GRAMD4: variants seen among roughly 807,000 people sequenced by gnomAD.
The protein encoded by GRAMD4 is GRAM domain containing 4.
A neutral mutation model predicts 83.9 loss-of-function variants in GRAMD4; 25 were observed. The ratio of observed to expected loss-of-function variants is 0.30; its 90% CI spans 0.22 to 0.42. GRAMD4 has a LOEUF of 0.42. GRAMD4 is among the 10% of genes least tolerant of loss of function. The pLI is 1.00. For missense variants in GRAMD4, 593 were observed against 788.7 expected (o/e 0.75, Z 2.97); for synonymous variants, 336 against 320.9 (o/e 1.05, Z -0.50).
chr22:46,593,324 T>G (rs1317879455), intron 1 of GRAMD4, among the ~76,000 whole-genome samples: 1 of 152,088 alleles, frequency 6.6e-6, no homozygotes, highest in East Asian at 1.9e-4. Context: ...CGGCCCTTGT[T>G]GCAGGCGGTC....
chr22:46,598,110 T>C (rs1481066836), intron 1 of GRAMD4, among the ~76,000 whole-genome samples: 1 of 151,984 alleles, frequency 6.6e-6, no homozygotes, highest in Non-Finnish European at 1.5e-5. Flanking sequence ...GCTTCCGGAG[T>C]AGCTGGAATT....
chr22:46,578,208 A>G (rs2081064247), intron 1 of GRAMD4, among the ~76,000 whole-genome samples: 1 of 152,202 alleles, frequency 6.6e-6, no homozygotes, highest in South Asian at 2.1e-4. Context: ...TGTGTGGGTT[A>G]GGAAGAAAAT....
upstream of GRAMD4, among the ~76,000 whole-genome samples, chr22:46,617,433 G>GGTGTAGGTTCCCCCCATAC (rs2081518815): frequency 6.8e-6 from 1 of 146,466 alleles, no homozygotes; most frequent in African/African-American, 2.6e-5. Flanking sequence ...GGTTCCCCTG[G>GGTGTAGGTTCCCCCCATAC]GTGTAGGTTC....
At chr22:46,625,582 G>C (rs1184896163) in intron 1 of GRAMD4, among the ~76,000 whole-genome samples, 1 of 152,278 alleles carries the variant, frequency 6.6e-6, no homozygotes, top group African/African-American at 2.4e-5. Flanking sequence ...TGTCAGCTCA[G>C]AAAGCTGGTC....
chr22:46,665,952 G>T (rs1297739320), intron 9 of GRAMD4, among the ~76,000 whole-genome samples: 1 of 152,212 alleles, frequency 6.6e-6, no homozygotes, highest in East Asian at 1.9e-4. Context: ...GCAGAGCCAG[G>T]GCCGTTCCAG....
At chr22:46,582,865 C>T (rs371178577) in intron 1 of GRAMD4, among the ~76,000 whole-genome samples, 6 of 152,338 alleles carry the variant, frequency 3.9e-5, no homozygotes, top group East Asian at 3.9e-4. Flanking sequence ...GAACCTGGGC[C>T]TTCTAGACAC....
intron 1 of GRAMD4, among the ~76,000 whole-genome samples, chr22:46,599,656 T>G (rs148110402): frequency 6.6e-6 from 1 of 152,274 alleles, no homozygotes; most frequent in Non-Finnish European, 1.5e-5. Flanking sequence ...GAATTAAAAT[T>G]ACCTAGTGAA....
intron 5 of GRAMD4, among the ~76,000 whole-genome samples, chr22:46,662,416 G>A (rs1476239673): frequency 6.6e-6 from 1 of 152,242 alleles, no homozygotes; most frequent in African/African-American, 2.4e-5. Context: ...GCACCCCTGA[G>A]CCCCCCTTCC....
intron 1 of GRAMD4, among the ~76,000 whole-genome samples, chr22:46,584,218 C>T (rs771191500): frequency 2.6e-5 from 4 of 152,112 alleles, no homozygotes; most frequent in Non-Finnish European, 5.9e-5. Flanking sequence ...GCCCCTTCTG[C>T]AGGGAGCCCG....
intron 1 of GRAMD4, among the ~76,000 whole-genome samples, chr22:46,583,324 A>G (rs1158037937): frequency 6.6e-6 from 1 of 152,242 alleles, no homozygotes; most frequent in Non-Finnish European, 1.5e-5. Context: ...TTGTCTGGTG[A>G]TTAACATCTT....
chr22:46,628,448 G>C (rs910515453), intron 2 of GRAMD4, among the ~76,000 whole-genome samples: 2 of 149,020 alleles, frequency 1.3e-5, no homozygotes, highest in Non-Finnish European at 3.0e-5. Context: ...CGGGTGGACT[G>C]AGTGTGTGCG....
chr22:46,627,023 GGCCAAGCGT>G, intron 2 of GRAMD4, 62 bp downstream of exon 2: 1 of 1,192,132 alleles, frequency 8.4e-7, no homozygotes, highest in Non-Finnish European at 1.2e-6. Context: ...TCTGTGGCCG[GGCCAAGCGT>G]GGACTCAGGC....
intron 8 of GRAMD4, 88 bp downstream of exon 8, chr22:46,664,205 A>G: frequency 1.1e-6 from 1 of 951,996 alleles, no homozygotes; most frequent in Non-Finnish European, 1.7e-6. Context: ...CCAGGGTGGG[A>G]GGTGGCCCCC....
chr22:46,614,724 G>A (rs937137217), intron 1 of GRAMD4, among the ~76,000 whole-genome samples: 19 of 152,214 alleles, frequency 1.2e-4, no homozygotes, highest in Non-Finnish European at 2.2e-4. Context: ...GATACGTGCC[G>A]CAGGTAGTAA....
At chr22:46,584,854 C>G (rs367614212) in intron 1 of GRAMD4, among the ~76,000 whole-genome samples, 1 of 152,206 alleles carries the variant, frequency 6.6e-6, no homozygotes, top group South Asian at 2.1e-4. Context: ...TGACTTAGAA[C>G]GCATCCCAGA....
intron 3 of GRAMD4, among the ~76,000 whole-genome samples, chr22:46,651,933 G>C (rs1394427582): frequency 6.6e-6 from 1 of 152,184 alleles, no homozygotes; most frequent in East Asian, 1.9e-4. Context: ...GGCTTCCAGT[G>C]GTTTTATGAC....
At position 46,668,140 on chromosome 22, in the gene GRAMD4, G is replaced by C; in HGVS notation, c.903G>C (p.Leu301=). The change falls in exon 11 of 19, where the codon CTG becomes CTC. Residue 301 remains leucine (L), a synonymous_variant. Transcript: ENST00000406902. ...TGACTGTGTCTGAGAAGTTCCAGCT[G>C]GTGCTGGACGTCGCCCAGAAAGCCC... ...EDLTVSEKFQ[L]VLDVAQKAQN... The C allele has an allele frequency of 6.2e-7, 1 of 1,611,832 alleles. No homozygotes were observed. The highest frequency in any genetic ancestry group is 8.5e-7 in the Non-Finnish European group (1 of 1,179,152).
intron 1 of GRAMD4, among the ~76,000 whole-genome samples, chr22:46,582,107 G>A (rs148548497): frequency 7.3e-4 from 111 of 152,300 alleles, no homozygotes; most frequent in African/African-American, 2.6e-3. Flanking sequence ...ATGGGTGGTC[G>A]AGGAGTGAGG....
At chr22:46,599,573 C>T (rs933594366) in intron 1 of GRAMD4, among the ~76,000 whole-genome samples, 5 of 152,158 alleles carry the variant, frequency 3.3e-5, no homozygotes, top group South Asian at 2.1e-4. Flanking sequence ...GTGACCCACC[C>T]GCCTCGGCCT....
Sources: allele counts gnomAD v4.1 joint callset (sites outside exome capture counted in the v4.1 genomes callset), GRCh38; gene constraint gnomAD v4.1.1; transcripts MANE v1.5; gene names NCBI Gene and HGNC (gene_info 2026-07-23, HGNC 2026-07-21).